ZNF385D: variants seen among roughly 807,000 people sequenced by gnomAD.
ZNF385D encodes zinc finger protein 385D.
Under a neutral mutation model 35.8 loss-of-function variants are expected in ZNF385D, and 15 were observed. That is an observed-to-expected ratio of 0.42 (90% confidence interval 0.28 to 0.64). The LOEUF (loss-of-function observed/expected upper bound fraction) is 0.64, where lower values mean the gene tolerates loss of function less well. Ranked by LOEUF, ZNF385D falls within the 30% of genes least tolerant of loss-of-function variation. The pLI, the probability that ZNF385D is intolerant of heterozygous loss-of-function variation, is 0.23. For missense variants in ZNF385D, 474 were observed against 494.6 expected (o/e 0.96, Z 0.39); for synonymous variants, 212 against 186.8 (o/e 1.13, Z -1.10).
intron 2 of ZNF385D, among the ~76,000 whole-genome samples, chr3:22,344,699 G>A (rs1695578050): frequency 6.6e-6 from 1 of 152,148 alleles, no homozygotes; most frequent in Non-Finnish European, 1.5e-5. Context: ...TAGGACTACA[G>A]GCATGAGCCA....
chr3:22,102,733 C>G (rs1171293382), intron 3 of ZNF385D, among the ~76,000 whole-genome samples: 2 of 151,904 alleles, frequency 1.3e-5, no homozygotes, highest in East Asian at 1.9e-4. Flanking sequence ...TTCAATATCC[C>G]CACTAGCTAC....
intron 2 of ZNF385D, among the ~76,000 whole-genome samples, chr3:21,591,071 G>C (rs2063962889): frequency 6.6e-6 from 1 of 151,916 alleles, no homozygotes; most frequent in Non-Finnish European, 1.5e-5. Context: ...GGTGACATGT[G>C]CCTGTAATCC....
chr3:21,751,646 A>G (rs561783627), upstream of ZNF385D, among the ~76,000 whole-genome samples: 1 of 152,000 alleles, frequency 6.6e-6, no homozygotes, highest in Admixed American at 6.6e-5. Flanking sequence ...ATGTTTATAT[A>G]TAAGAGGAAT....
intron 3 of ZNF385D, among the ~76,000 whole-genome samples, chr3:21,915,808 C>T (rs182271885): frequency 2.1e-4 from 32 of 152,230 alleles, no homozygotes; most frequent in African/African-American, 5.5e-4. Context: ...TGATGGGATT[C>T]AAGGCAAACT....
At chr3:21,887,818 A>G (rs1296925617) in intron 3 of ZNF385D, among the ~76,000 whole-genome samples, 1 of 152,096 alleles carries the variant, frequency 6.6e-6, no homozygotes, top group Non-Finnish European at 1.5e-5. Flanking sequence ...CACTAAGAAT[A>G]TGTCAGGAAT....
At chr3:21,585,972 C>T (rs1300106884) in intron 2 of ZNF385D, among the ~76,000 whole-genome samples, 1 of 151,992 alleles carries the variant, frequency 6.6e-6, no homozygotes, top group Non-Finnish European at 1.5e-5. Context: ...AGTCCAAGAC[C>T]AGTCTCGGCA....
intron 2 of ZNF385D, among the ~76,000 whole-genome samples, chr3:22,281,570 G>A (rs570516738): frequency 7.0e-4 from 106 of 152,030 alleles, no homozygotes; most frequent in Middle Eastern, 3.4e-3. Context: ...CCATCCCTGC[G>A]CATCCCTTGT....
At chr3:21,685,353 A>G (rs2067070708) in intron 1 of ZNF385D, among the ~76,000 whole-genome samples, 1 of 152,200 alleles carries the variant, frequency 6.6e-6, no homozygotes, top group Non-Finnish European at 1.5e-5. Flanking sequence ...CACTTTCAAA[A>G]TATTAAGCTT....
chr3:22,190,691 C>G (rs181803058), intron 2 of ZNF385D, among the ~76,000 whole-genome samples: 4 of 152,166 alleles, frequency 2.6e-5, no homozygotes, highest in African/African-American at 7.2e-5. Context: ...TATGAATAAC[C>G]TTATTTCTTT....
At chr3:22,239,180 G>C (rs1466328534) in intron 2 of ZNF385D, among the ~76,000 whole-genome samples, 3 of 151,098 alleles carry the variant, frequency 2.0e-5, no homozygotes, top group Non-Finnish European at 2.9e-5. Flanking sequence ...TAGAACAAGA[G>C]TTGGAAAACT....
intron 2 of ZNF385D, among the ~76,000 whole-genome samples, chr3:21,645,960 C>T (rs978391609): frequency 2.0e-5 from 3 of 152,030 alleles, no homozygotes; most frequent in Admixed American, 6.6e-5. Context: ...TTGTCTTCTA[C>T]CTCAAAATGC....
intron 3 of ZNF385D, among the ~76,000 whole-genome samples, chr3:21,941,937 A>G (rs991006213): frequency 6.6e-6 from 1 of 152,188 alleles, no homozygotes; most frequent in Non-Finnish European, 1.5e-5. Flanking sequence ...CCTTTTACAA[A>G]GTCCCATAGC....
In ZNF385D at chr3:21,439,045, T is replaced by C. The variant is rs188204598; in HGVS notation, c.440-1842A>G. On this transcript the variant is annotated intron_variant, in intron 4 of 7. Transcript: ENST00000281523. ...AAATGATTGTTTGAAAGCATGTGTG[T>C]ATGCATCTGTGAATAAACAACAAGT... 7.9e-5 allele frequency among the ~76,000 whole-genome samples: 12 copies of C among 152,228 alleles called. No individual in the cohort carries two copies. The East Asian group carries it at 2.3e-3, about 29-fold the overall frequency.
intron 3 of ZNF385D, among the ~76,000 whole-genome samples, chr3:22,072,080 T>C (rs1420216789): frequency 2.6e-5 from 4 of 152,132 alleles, no homozygotes; most frequent in Non-Finnish European, 2.9e-5. Flanking sequence ...TACTTTCATT[T>C]ATCCATATTA....
intron 2 of ZNF385D, among the ~76,000 whole-genome samples, chr3:22,270,767 T>A (rs1701134203): frequency 6.6e-6 from 1 of 151,988 alleles, no homozygotes; most frequent in Non-Finnish European, 1.5e-5. Flanking sequence ...TCGTAGTGAA[T>A]CTTACCCCGA....
At chr3:21,995,973 C>G (rs1695440969) in intron 3 of ZNF385D, among the ~76,000 whole-genome samples, 1 of 152,090 alleles carries the variant, frequency 6.6e-6, no homozygotes, top group African/African-American at 2.4e-5. Context: ...GGCTGCACCA[C>G]TGAGTCTAGC....
chr3:22,182,964 T>G (rs188948350), intron 2 of ZNF385D, among the ~76,000 whole-genome samples: 1 of 152,030 alleles, frequency 6.6e-6, no homozygotes, highest in Non-Finnish European at 1.5e-5. Flanking sequence ...GATAGAAATA[T>G]AGATCTAAGA....
At chr3:21,573,708 C>T (rs1032230743) in intron 2 of ZNF385D, among the ~76,000 whole-genome samples, 3 of 132,990 alleles carry the variant, frequency 2.3e-5, no homozygotes, top group Non-Finnish European at 4.8e-5. Context: ...TTAAGAATTA[C>T]ACATGCCTAG....
At chr3:21,982,026 G>C (rs1386011943) in intron 3 of ZNF385D, among the ~76,000 whole-genome samples, 1 of 150,792 alleles carries the variant, frequency 6.6e-6, no homozygotes, top group African/African-American at 2.4e-5. Context: ...TTTGTGCTTA[G>C]GATCGCCTTG....
Sources: allele counts gnomAD v4.1 joint callset (sites outside exome capture counted in the v4.1 genomes callset), GRCh38; gene constraint gnomAD v4.1.1; transcripts MANE v1.5; gene names NCBI Gene and HGNC (gene_info 2026-07-23, HGNC 2026-07-21).